E2F8: variants seen among roughly 807,000 people sequenced by gnomAD.
E2F8 encodes transcription factor E2F8.
In E2F8, 35 loss-of-function variants were observed where a neutral mutation model predicts 80.8. That is an observed-to-expected ratio of 0.43 (90% confidence interval 0.33 to 0.57). The LOEUF is 0.57. Ranked by LOEUF, E2F8 falls within the 20% of genes least tolerant of loss-of-function variation. The pLI is 0.04. For synonymous variants in E2F8, 386 were observed against 395.0 expected (o/e 0.98, Z 0.27); for missense variants, 975 against 1,056.2 (o/e 0.92, Z 1.07).
At chr11:19,237,235 T>G (rs1387120626) in intron 4 of E2F8, 79 bp downstream of exon 4, 1 of 1,358,052 alleles carries the variant, frequency 7.4e-7, no homozygotes, top group Non-Finnish European at 1.0e-6. Context: ...ACTGGCTAGA[T>G]GAGCGGGGGT....
At chr11:19,233,497 C>T (rs1023684529) in intron 6 of E2F8, among the ~76,000 whole-genome samples, 5 of 151,692 alleles carry the variant, frequency 3.3e-5, no homozygotes, top group African/African-American at 1.2e-4. Flanking sequence ...CTAGTGTTTC[C>T]TTTTTTTTGA....
At chr11:19,228,724 G>A (rs1020284933) in intron 10 of E2F8, among the ~76,000 whole-genome samples, 7 of 152,204 alleles carry the variant, frequency 4.6e-5, no homozygotes, top group African/African-American at 7.2e-5. Context: ...GGTATTTATC[G>A]GATGATACAG....
In E2F8 at chr11:19,230,783, G is replaced by A; in HGVS notation, c.1118C>T (p.Ser373Phe). The change falls in exon 8 of 13, where the codon TCT becomes TTT. Residue 373 changes from serine to phenylalanine, a missense_variant. By Grantham distance (155) the Ser-to-Phe change is radical. Coordinates refer to ENST00000250024, the MANE Select transcript of E2F8 (RefSeq NM_024680.4). ...GTTTTTGGCACAGTTCTCTTTTGAA[G>A]ACCGTCTCACCTCCAAATCAGAGGG... ...FTPSDLEVRR[S>F]SKENCAKNLF... 1 of 1,614,190 alleles carries A rather than the reference G, an allele frequency of 6.2e-7. No individual in the cohort carries two copies. The highest frequency in any genetic ancestry group is 8.5e-7 in the Non-Finnish European group (1 of 1,180,034).
At chr11:19,224,985 G>A (rs1294886143) in intron 12 of E2F8, 145 bp from the exon 13 acceptor site, 1 of 1,159,736 alleles carries the variant, frequency 8.6e-7, no homozygotes, top group Admixed American at 2.7e-5. Context: ...GCTTTGGTGA[G>A]TTTTACATTC....
At chr11:19,230,355 C>T (rs762399508) in intron 8 of E2F8, 27 bp from the exon 9 acceptor site, 2 of 1,598,526 alleles carry the variant, frequency 1.3e-6, no homozygotes, top group East Asian at 4.5e-5. Flanking sequence ...GAAGAGAGCA[C>T]CGGTCAAAGC....
intron 10 of E2F8, among the ~76,000 whole-genome samples, chr11:19,226,619 T>G (rs1851243368): frequency 6.6e-6 from 1 of 152,254 alleles, no homozygotes; most frequent in Non-Finnish European, 1.5e-5. Context: ...ATCATACTCA[T>G]TCATTTATGT....
chr11:19,235,781 C>G (rs1000199620), intron 4 of E2F8, among the ~76,000 whole-genome samples: 1 of 152,162 alleles, frequency 6.6e-6, no homozygotes, highest in Non-Finnish European at 1.5e-5. Flanking sequence ...ACCTTCCAAC[C>G]GCTTCCAATA....
At chr11:19,228,359 T>C (rs936326457) in intron 10 of E2F8, among the ~76,000 whole-genome samples, 4 of 152,212 alleles carry the variant, frequency 2.6e-5, no homozygotes, top group African/African-American at 9.6e-5. Flanking sequence ...CAGGGAAGAT[T>C]TGACAAACTC....
Position 19,229,731 on chromosome 11 carries a change from C to G in E2F8, c.1616G>C (p.Gly539Ala). 1 of 1,614,130 alleles carries G rather than the reference C, an allele frequency of 6.2e-7. No homozygotes were observed. Among genetic ancestry groups the G allele is most frequent in the Non-Finnish European group, 8.5e-7 (1 of 1,180,022 alleles). ...GGTGGTGCACACCGTTGGGCTCAGG[C>G]CTTGGGGTGGCGTCACACTTTGGTG... ...QAHQSVTPPQ[G>A]LSPTVCTTHS... Residue 539 changes from glycine to alanine, a missense_variant, in exon 10 of 13, where the codon GGC becomes GCC. Transcript: ENST00000250024. This position sits in a 1 kb window ranked among gnomAD's most constrained non-coding sequence, Gnocchi z 4.3.
At position 19,229,408 on chromosome 11, in the gene E2F8, G is replaced by A. The variant is rs754912176; in HGVS notation, c.1893+46C>T. 8 of 1,554,260 alleles carry A rather than the reference G, an allele frequency of 5.1e-6. No homozygotes were observed. Among genetic ancestry groups the A allele is most frequent in the Admixed American group, 2.0e-5 (1 of 50,940 alleles). The stretch of plus-strand genomic sequence containing the variant: ...ACAAGCCACCAATCTTCCTGTAATA[G>A]ACTAGGGAATTCCTAAAGCTTTGTG... On this transcript the variant is annotated intron_variant, in intron 10 of 12. Coordinates refer to ENST00000250024, the MANE Select transcript of E2F8 (RefSeq NM_024680.4). The surrounding 1 kb of genome is among the most constrained non-coding windows in gnomAD (Gnocchi z 4.3).
chr11:19,225,029 T>G, intron 12 of E2F8, 189 bp from the exon 13 acceptor site: 1 of 1,131,790 alleles, frequency 8.8e-7, no homozygotes. Context: ...GACAAAAATC[T>G]CATGATAACC....
intron 10 of E2F8, among the ~76,000 whole-genome samples, chr11:19,228,884 T>G (rs1419151757): frequency 1.3e-5 from 2 of 152,226 alleles, no homozygotes; most frequent in African/African-American, 2.4e-5. Flanking sequence ...GAAAAAAATT[T>G]GTCTAGCATG....
rs535596536 is a variant in E2F8 at position 19,239,999 on chromosome 11, A to C, written c.15+108T>G. Reference sequence around the variant, plus strand: ...TTCCAGGTCTTTACAGAGGCTAACCAAGGTTGTGGCATTAAGAAAACACAT... The same window carrying C: ...TTCCAGGTCTTTACAGAGGCTAACCCAGGTTGTGGCATTAAGAAAACACAT... On this transcript the variant is annotated intron_variant, in intron 2 of 12. Coordinates refer to ENST00000250024, the MANE Select transcript of E2F8 (RefSeq NM_024680.4). 3.7e-5 allele frequency: 30 copies of C among 810,928 alleles called. 1 individual carries two copies. The South Asian group carries it at 9.4e-4, about 25-fold the overall frequency. The allele number at this position is 810,928 out of a possible 1,614,324, so 50.2% of individuals were successfully genotyped here. A position where few individuals can be genotyped will look rare whatever the true frequency, so the allele number is the denominator to read the frequency against.
In E2F8 at chr11:19,237,863, G is replaced by C. The variant is rs775677981; in HGVS notation, c.285C>G (p.Asp95Glu). The change falls in exon 3 of 13, where the codon GAC becomes GAG. Residue 95 changes from aspartate (D) to glutamate (E), a missense_variant. Coordinates refer to ENST00000250024, the MANE Select transcript of E2F8 (RefSeq NM_024680.4). ...DNRSGLPEAK[D>E]CIHEHLSGDE... ...TCCTCTGAAAACCTACGTGTATACA[G>C]TCTTTGGCCTCAGGTAATCCACTTC... 2 of 1,613,600 alleles carry C rather than the reference G, an allele frequency of 1.2e-6. No homozygotes were observed.
At chr11:19,235,796 C>G (rs1255997275) in intron 4 of E2F8, among the ~76,000 whole-genome samples, 2 of 152,150 alleles carry the variant, frequency 1.3e-5, no homozygotes, top group African/African-American at 4.8e-5. Context: ...CCAATACAAA[C>G]ACGTACACAC....
At chr11:19,233,162 A>G (rs994314458) in intron 6 of E2F8, among the ~76,000 whole-genome samples, 3 of 152,180 alleles carry the variant, frequency 2.0e-5, no homozygotes, top group Non-Finnish European at 4.4e-5. Flanking sequence ...CTGAAATTGC[A>G]GATCTCCCGA....
intron 7 of E2F8, among the ~76,000 whole-genome samples, chr11:19,231,592 G>A (rs11025063): frequency 1.5e-3 from 223 of 152,290 alleles, no homozygotes; most frequent in Non-Finnish European, 2.6e-3. Flanking sequence ...TGTCAGCATC[G>A]CAGAGTTAAG....
rs1339759875 is a variant in E2F8, at chr11:19,224,109, C to T, written c.*549G>A. On this transcript the variant is annotated 3_prime_UTR_variant, in exon 13 of 13. Transcript: ENST00000250024. ...TTTGAACAACTTATGATTAAAAATACATTTTATAAATAATTTTTCCATAGA... is the reference window on the plus strand; with the variant it reads ...TTTGAACAACTTATGATTAAAAATATATTTTATAAATAATTTTTCCATAGA... 2.0e-5 allele frequency: 3 copies of T among 152,464 alleles called. No individual in the cohort carries two copies. Among genetic ancestry groups the T allele is most frequent in the Non-Finnish European group, 1.5e-5 (1 of 68,018 alleles). 9.4% of individuals were successfully genotyped at this position (152,464 alleles called of 1,614,324 possible).
intron 8 of E2F8, 145 bp from the exon 9 acceptor site, chr11:19,230,473 G>A (rs1403242776): frequency 1.7e-6 from 2 of 1,196,878 alleles, no homozygotes; most frequent in African/African-American, 1.6e-5. Flanking sequence ...CCCCACAAAT[G>A]ACTTTTTAAA....
Sources: allele counts gnomAD v4.1 joint callset (sites outside exome capture counted in the v4.1 genomes callset), GRCh38; gene constraint gnomAD v4.1.1; non-coding constraint Gnocchi (gnomAD v3.1); transcripts MANE v1.5; gene names NCBI Gene and HGNC (gene_info 2026-07-23, HGNC 2026-07-21).